PTPRD: variants seen among roughly 807,000 people sequenced by gnomAD.
PTPRD encodes the protein receptor-type tyrosine-protein phosphatase delta.
A neutral mutation model predicts 214.5 loss-of-function variants in PTPRD; 34 were observed. The observed-to-expected ratio is 0.16, with a 90% CI of 0.12 to 0.21. The LOEUF (loss-of-function observed/expected upper bound fraction) is 0.21. Among genes scored for constraint, PTPRD ranks in the 10% least tolerant of loss-of-function variants. PTPRD has a pLI of 1.00. For synonymous variants in PTPRD, 1,128 were observed against 845.7 expected, an observed-to-expected ratio of 1.33 and a Z score of -5.79; for missense variants, 2,545 against 2,398.7, an observed-to-expected ratio of 1.06 and a Z score of -1.27.
intron 7 of PTPRD, among the ~76,000 whole-genome samples, chr9:9,702,672 C>T (rs1343790929): frequency 6.6e-6 from 1 of 152,044 alleles, no homozygotes; most frequent in Non-Finnish European, 1.5e-5. Context: ...AAGTAGACTG[C>T]TTATGGAGGA....
intron 2 of PTPRD, among the ~76,000 whole-genome samples, chr9:10,504,158 G>A (rs1462154770): frequency 9.4e-6 from 1 of 106,860 alleles, no homozygotes; most frequent in African/African-American, 3.5e-5. Context: ...CGGGGAAAGT[G>A]TCATTGAATG....
At chr9:9,003,309 A>C (rs890336744) in intron 11 of PTPRD, among the ~76,000 whole-genome samples, 2 of 151,978 alleles carry the variant, frequency 1.3e-5, no homozygotes, top group African/African-American at 4.8e-5. Flanking sequence ...AGCTGAATCT[A>C]AATCCCTAAC....
At chr9:8,827,021 T>A (rs2097189706) in intron 11 of PTPRD, among the ~76,000 whole-genome samples, 1 of 151,974 alleles carries the variant, frequency 6.6e-6, no homozygotes. Context: ...AACTCTAGTG[T>A]CTTTCTACCC....
intron 3 of PTPRD, among the ~76,000 whole-genome samples, chr9:10,112,800 C>T (rs1262904917): frequency 2.0e-5 from 3 of 152,192 alleles, no homozygotes; most frequent in Admixed American, 1.3e-4. Flanking sequence ...TTTCCCCTTA[C>T]CTCTCTGTAG....
chr9:9,647,202 C>G (rs2096214318), intron 7 of PTPRD, among the ~76,000 whole-genome samples: 1 of 152,052 alleles, frequency 6.6e-6, no homozygotes, highest in African/African-American at 2.4e-5. Context: ...TCATTCCATT[C>G]ATTTCCTTCT....
At chr9:10,227,726 G>C (rs1009781699) in intron 3 of PTPRD, among the ~76,000 whole-genome samples, 2 of 151,608 alleles carry the variant, frequency 1.3e-5, no homozygotes, top group Admixed American at 6.6e-5. Flanking sequence ...TTGCTTGCTT[G>C]TTTGTTTTGT....
intron 11 of PTPRD, among the ~76,000 whole-genome samples, chr9:8,800,243 TA>T (rs1412979958): frequency 6.6e-6 from 1 of 152,032 alleles, no homozygotes; most frequent in Non-Finnish European, 1.5e-5. Flanking sequence ...AAGGCATGTA[TA>T]TTTAAAAAAC....
At chr9:9,979,440 G>A (rs559859737) in intron 4 of PTPRD, among the ~76,000 whole-genome samples, 4 of 152,006 alleles carry the variant, frequency 2.6e-5, no homozygotes, top group African/African-American at 4.8e-5. Flanking sequence ...TCTGTAAGGA[G>A]GGGGAGAATG....
At chr9:9,663,380 A>G (rs2096655903) in intron 7 of PTPRD, among the ~76,000 whole-genome samples, 1 of 151,576 alleles carries the variant, frequency 6.6e-6, no homozygotes, top group African/African-American at 2.4e-5. Context: ...CTAAAGAAAT[A>G]TATAATTCAA....
intron 5 of PTPRD, among the ~76,000 whole-genome samples, chr9:9,904,899 A>T (rs1164875707): frequency 6.6e-6 from 1 of 152,094 alleles, no homozygotes; most frequent in Non-Finnish European, 1.5e-5. Flanking sequence ...TTAATTTCTC[A>T]TACTGAAAGT....
At chr9:9,197,014 C>A (rs568337726) in intron 9 of PTPRD, among the ~76,000 whole-genome samples, 7 of 152,240 alleles carry the variant, frequency 4.6e-5, no homozygotes, top group African/African-American at 1.7e-4. Context: ...TAGACAAAAA[C>A]ATAATAACAT....
At chr9:8,669,682 A>G (rs2097241163) in intron 12 of PTPRD, among the ~76,000 whole-genome samples, 1 of 152,202 alleles carries the variant, frequency 6.6e-6, no homozygotes, top group Non-Finnish European at 1.5e-5. Flanking sequence ...TTAGAAGAGT[A>G]AGAGTAGAGA....
chr9:8,361,692 C>G (rs2078525076), intron 39 of PTPRD, among the ~76,000 whole-genome samples: 1 of 152,150 alleles, frequency 6.6e-6, no homozygotes, highest in Admixed American at 6.5e-5. Context: ...TGCCATTTAA[C>G]AAACACTGCC....
At chr9:9,677,759 G>C (rs1164771916) in intron 7 of PTPRD, among the ~76,000 whole-genome samples, 1 of 151,990 alleles carries the variant, frequency 6.6e-6, no homozygotes, top group South Asian at 2.1e-4. Flanking sequence ...CATTCAATTA[G>C]GAAAAGAGGA....
intron 4 of PTPRD, among the ~76,000 whole-genome samples, chr9:9,955,080 G>A (rs895658444): frequency 2.0e-5 from 3 of 152,146 alleles, no homozygotes; most frequent in Non-Finnish European, 4.4e-5. Context: ...AAAGAATGAA[G>A]AAGATAGGCA....
chr9:8,564,167 CTG>C (rs1386658804), intron 14 of PTPRD, among the ~76,000 whole-genome samples: 2 of 151,798 alleles, frequency 1.3e-5, no homozygotes, highest in Non-Finnish European at 2.9e-5. Flanking sequence ...ACTATATGTA[CTG>C]TGTTTCCTGA....
chr9:8,629,053 T>C (rs2096154440), intron 14 of PTPRD, among the ~76,000 whole-genome samples: 1 of 151,802 alleles, frequency 6.6e-6, no homozygotes, highest in Admixed American at 6.6e-5. Flanking sequence ...TAAGATTTTT[T>C]AAATGACCCA....
chr9:8,468,797 A>AG (rs993633007), intron 31 of PTPRD, among the ~76,000 whole-genome samples: 8 of 78,368 alleles, frequency 1.0e-4, no homozygotes, highest in Non-Finnish European at 1.5e-4. Flanking sequence ...TATCCATGGT[A>AG]GAAAAAAAAA....
intron 7 of PTPRD, among the ~76,000 whole-genome samples, chr9:9,728,767 T>G (rs1204314515): frequency 6.6e-6 from 1 of 152,176 alleles, no homozygotes. Flanking sequence ...CAACTATTAT[T>G]AAAAGAATGC....
Sources: gnomAD v4.1 joint callset for allele counts (sites outside exome capture counted in the v4.1 genomes callset) on GRCh38, gnomAD v4.1.1 for gene constraint, MANE v1.5 for transcripts, NCBI Gene and HGNC (gene_info 2026-07-23, HGNC 2026-07-21) for gene names.